CDKAL1: variants seen among roughly 807,000 people sequenced by gnomAD.
CDKAL1 encodes threonylcarbamoyladenosine tRNA methylthiotransferase.
A neutral mutation model predicts 68.2 loss-of-function variants in CDKAL1; 32 were observed. The observed-to-expected ratio is 0.47, with a 90% CI of 0.35 to 0.63. The LOEUF (loss-of-function observed/expected upper bound fraction) is 0.63. Ranked by LOEUF, CDKAL1 falls within the 30% of genes least tolerant of loss-of-function variation. CDKAL1 has a pLI of 0.00. For missense variants in CDKAL1, 606 were observed against 696.7 expected, an observed-to-expected ratio of 0.87 and a Z score of 1.47; for synonymous variants, 234 against 244.3, an observed-to-expected ratio of 0.96 and a Z score of 0.39.
chr6:20,879,348 G>A (rs1336943260), intron 9 of CDKAL1, among the ~76,000 whole-genome samples: 1 of 152,204 alleles, frequency 6.6e-6, no homozygotes, highest in East Asian at 1.9e-4. Flanking sequence ...GTCAGGAGGA[G>A]TAGAGTACAC....
At chr6:20,661,781 A>C (rs190535286) in intron 5 of CDKAL1, among the ~76,000 whole-genome samples, 1 of 152,340 alleles carries the variant, frequency 6.6e-6, no homozygotes, top group East Asian at 1.9e-4. Flanking sequence ...ATGTTACATC[A>C]ACAGTTGCTT....
intron 9 of CDKAL1, among the ~76,000 whole-genome samples, chr6:20,853,693 A>G (rs574975999): frequency 3.3e-5 from 5 of 152,312 alleles, no homozygotes; most frequent in South Asian, 4.1e-4. Context: ...TTACATCACA[A>G]TTTCCATGGA....
At chr6:20,976,362 G>A (rs562739485) in intron 10 of CDKAL1, among the ~76,000 whole-genome samples, 1 of 152,208 alleles carries the variant, frequency 6.6e-6, no homozygotes, top group Admixed American at 6.5e-5. Flanking sequence ...TGTAAAACAA[G>A]AAAAAGTTCC....
chr6:20,867,763 T>A (rs1315210617), intron 9 of CDKAL1, among the ~76,000 whole-genome samples: 1 of 152,198 alleles, frequency 6.6e-6, no homozygotes, highest in Non-Finnish European at 1.5e-5. Flanking sequence ...TCTCCAAGGA[T>A]GCACTTATTT....
At chr6:21,039,702 T>C (rs1428127520) in intron 11 of CDKAL1, among the ~76,000 whole-genome samples, 1 of 152,250 alleles carries the variant, frequency 6.6e-6, no homozygotes, top group Non-Finnish European at 1.5e-5. Flanking sequence ...CTATAAAATA[T>C]GGAATCAGAA....
intron 8 of CDKAL1, among the ~76,000 whole-genome samples, chr6:20,808,537 G>A (rs1170994820): frequency 6.6e-6 from 1 of 152,138 alleles, no homozygotes; most frequent in African/African-American, 2.4e-5. Flanking sequence ...TTATAGCAGT[G>A]TTCTTGCAGA....
chr6:20,712,656 T>G (rs993984127), intron 5 of CDKAL1, among the ~76,000 whole-genome samples: 1 of 152,128 alleles, frequency 6.6e-6, no homozygotes, highest in Non-Finnish European at 1.5e-5. Flanking sequence ...ATATAACTTT[T>G]TTTTTTGAGA....
chr6:20,894,762 C>A (rs974681418), intron 9 of CDKAL1, among the ~76,000 whole-genome samples: 1 of 152,168 alleles, frequency 6.6e-6, no homozygotes, highest in African/African-American at 2.4e-5. Flanking sequence ...ATCCTCAGCA[C>A]TTTGGGAGGC....
At chr6:20,774,468 G>A (rs1181044544) in intron 7 of CDKAL1, among the ~76,000 whole-genome samples, 1 of 152,128 alleles carries the variant, frequency 6.6e-6, no homozygotes, top group Non-Finnish European at 1.5e-5. Flanking sequence ...TTTATGATTG[G>A]CTTCCTGATA....
intron 12 of CDKAL1, among the ~76,000 whole-genome samples, chr6:21,094,743 A>G (rs79034658): frequency 0.053 from 8,003 of 152,286 alleles, 357 homozygotes; most frequent in East Asian, 0.19. Context: ...ATGGGGTTTA[A>G]TTTACTAATA....
At chr6:20,942,659 G>A (rs1166753334) in intron 9 of CDKAL1, among the ~76,000 whole-genome samples, 4 of 146,346 alleles carry the variant, frequency 2.7e-5, no homozygotes, top group Non-Finnish European at 4.5e-5. Flanking sequence ...GAGCCACCAC[G>A]CCCAGCTGAA....
chr6:21,040,608 A>G (rs1320247204), intron 11 of CDKAL1, among the ~76,000 whole-genome samples: 1 of 152,208 alleles, frequency 6.6e-6, no homozygotes, highest in Non-Finnish European at 1.5e-5. Context: ...ATTTAGGCAC[A>G]TATCAATGAG....
chr6:20,834,191 T>G (rs1278772497), intron 8 of CDKAL1, among the ~76,000 whole-genome samples: 1 of 152,182 alleles, frequency 6.6e-6, no homozygotes, highest in Non-Finnish European at 1.5e-5. Context: ...TCATCCTTTC[T>G]GCACCTGGGA....
intron 8 of CDKAL1, among the ~76,000 whole-genome samples, chr6:20,788,919 C>T (rs1315199107): frequency 2.6e-5 from 4 of 152,264 alleles, no homozygotes; most frequent in East Asian, 3.9e-4. Context: ...TAGCTTTCAG[C>T]GCAGTGTCTT....
In CDKAL1 at chr6:20,660,026, T is replaced by G. The variant is rs1478668074; in HGVS notation, c.371+10649T>G. Among the ~76,000 whole-genome samples, 3 of 152,106 alleles carry G rather than the reference T, an allele frequency of 2.0e-5. No individual in the cohort carries two copies. In the East Asian group the frequency reaches 5.8e-4, roughly 29 times the overall value. ...GACTGTCTTCTCTCTTTCCTCCAAA[T>G]GCATGCCCTCACCTCCACCCACCCC... On this transcript the variant is annotated intron_variant, in intron 5 of 15. Transcript: ENST00000274695.
intron 4 of CDKAL1, among the ~76,000 whole-genome samples, chr6:20,587,733 AAAAC>A (rs1319846960): frequency 2.1e-4 from 31 of 151,194 alleles, no homozygotes; most frequent in East Asian, 1.2e-3. Flanking sequence ...ACCCTGTCTG[AAAAC>A]AAACAAACAA....
At chr6:20,908,565 G>C (rs1762330600) in intron 9 of CDKAL1, among the ~76,000 whole-genome samples, 1 of 151,978 alleles carries the variant, frequency 6.6e-6, no homozygotes, top group South Asian at 2.1e-4. Context: ...TAAATATTTA[G>C]TTTTTTTATC....
chr6:21,206,698 T>C (rs540036946), intron 15 of CDKAL1, among the ~76,000 whole-genome samples: 1 of 152,320 alleles, frequency 6.6e-6, no homozygotes, highest in East Asian at 1.9e-4. Context: ...AGGTTTGGGT[T>C]CTAATTACAG....
chr6:20,780,539 A>G (rs1190257244), intron 7 of CDKAL1, among the ~76,000 whole-genome samples: 1 of 152,172 alleles, frequency 6.6e-6, no homozygotes, highest in African/African-American at 2.4e-5. Flanking sequence ...CATATTTGGC[A>G]TATGCTAGAG....
Sources: allele counts gnomAD v4.1 joint callset (sites outside exome capture counted in the v4.1 genomes callset), GRCh38; gene constraint gnomAD v4.1.1; transcripts MANE v1.5; gene names NCBI Gene and HGNC (gene_info 2026-07-23, HGNC 2026-07-21).